IQANK1: variants seen among roughly 807,000 people sequenced by gnomAD.
IQANK1 encodes IQ motif and ankyrin repeat containing 1.
Under a neutral mutation model 22.6 loss-of-function variants are expected in IQANK1, and 30 were observed. The ratio of observed to expected loss-of-function variants is 1.33; its 90% CI spans 0.99 to 1.80. The LOEUF is 1.80. Ranked by LOEUF, IQANK1 falls within the 40% of genes most tolerant of loss-of-function variation. IQANK1 has a pLI of 0.00. For synonymous variants in IQANK1, 122 were observed against 99.6 expected (o/e 1.23, Z -1.34); for missense variants, 275 against 235.2 (o/e 1.17, Z -1.11).
chr8:143,739,911 G>A lies in IQANK1; in HGVS notation c.138G>A (p.Arg46=), dbSNP rs1554626219. ...AGAGGAAAGCGGGCTGGCAGGCGAGGGAGCCCGCGTCGGCTGAGAGCCCAC... is the reference window on the plus strand; with the variant it reads ...AGAGGAAAGCGGGCTGGCAGGCGAGAGAGCCCGCGTCGGCTGAGAGCCCAC... ...PPQRKAGWQA[R]EPASAESPQA... The change falls in exon 3 of 14, where the codon AGG becomes AGA. Residue 46 remains arginine (R), a synonymous_variant. Coordinates refer to ENST00000527139, the MANE Select transcript of IQANK1 (RefSeq NM_001381874.1). 9 of 699,210 alleles carry A rather than the reference G, an allele frequency of 1.3e-5. 1 individual carries two copies. In the Middle Eastern group the frequency reaches 1.5e-3, roughly 114 times the overall value. The allele number at this position is 699,210 out of a possible 1,614,324, so 43.3% of individuals were successfully genotyped here.
At chr8:143,788,128 C>A (rs1819929484) in intron 7 of IQANK1, among the ~76,000 whole-genome samples, 1 of 152,224 alleles carries the variant, frequency 6.6e-6, no homozygotes, top group African/African-American at 2.4e-5. Flanking sequence ...CCACACTAGA[C>A]AACAGGCCCT....
chr8:143,734,589 C>T (rs72614048), intron 1 of IQANK1, among the ~76,000 whole-genome samples: 25,994 of 151,430 alleles, frequency 0.17, 2,615 homozygotes, highest in East Asian at 0.48. Flanking sequence ...CCGAGTCCTG[C>T]CCATGCCAGT....
Position 143,788,999 on chromosome 8 carries a change from G to C in IQANK1, c.874G>C (p.Glu292Gln), listed in dbSNP as rs1819952711. The C allele has an allele frequency of 2.5e-6, 1 of 399,886 alleles. No individual in the cohort carries two copies. Among genetic ancestry groups the C allele is most frequent in the Non-Finnish European group, 4.4e-6 (1 of 226,830 alleles). 24.8% of individuals were successfully genotyped at this position (399,886 alleles called of 1,614,324 possible). ...GGCCATGCTCCAGAACATGGAGGCT[G>C]AGCAGCAGCGCCGGGCCCAGGAGGC... ...TEAMLQNMEAEQQRRAQEAQR... is the reference protein window; with the variant it reads ...TEAMLQNMEAQQQRRAQEAQR... The change falls in exon 8 of 14, where the codon GAG becomes CAG. Residue 292 changes from glutamate (E) to glutamine (Q), a missense_variant. Physicochemically the swap from Glu to Gln is conservative, Grantham distance 29. Coordinates refer to ENST00000527139, the MANE Select transcript of IQANK1 (RefSeq NM_001381874.1).
chr8:143,753,680 C>T (rs2129847975), intron 3 of IQANK1, among the ~76,000 whole-genome samples: 1 of 152,196 alleles, frequency 6.6e-6, no homozygotes, highest in East Asian at 1.9e-4. Flanking sequence ...TTCTCGAACT[C>T]CTGACCTCAG....
At chr8:143,780,575 G>GTTTGGT (rs1819779501) in intron 7 of IQANK1, among the ~76,000 whole-genome samples, 1 of 152,150 alleles carries the variant, frequency 6.6e-6, no homozygotes, top group African/African-American at 2.4e-5. Flanking sequence ...AACATGTGGT[G>GTTTGGT]TTTGGTTTTC....
In IQANK1 at chr8:143,735,283, TG is replaced by T. The variant is rs1587465794; in HGVS notation, c.-4-562del. Among the ~76,000 whole-genome samples the T allele has an allele frequency of 6.6e-6, 1 of 151,624 alleles. No homozygotes were observed. Among genetic ancestry groups the T allele is most frequent in the African/African-American group, 2.4e-5 (1 of 41,222 alleles). Reference sequence around the variant, plus strand: ...GAGGAGCCTCCCAGGGAAATGAACTTGGGGGTCAGCTGTGTGGACTAGGGAG... The same window carrying T: ...GAGGAGCCTCCCAGGGAAATGAACTTGGGGTCAGCTGTGTGGACTAGGGAG... On this transcript the variant is annotated intron_variant, in intron 1 of 13. Coordinates refer to ENST00000527139, the MANE Select transcript of IQANK1 (RefSeq NM_001381874.1). The surrounding 1 kb of genome is among the most constrained non-coding windows in gnomAD (Gnocchi z 5.2).
chr8:143,741,229 G>A lies in IQANK1; in HGVS notation c.175+1281G>A, dbSNP rs185504926. 3.3e-3 allele frequency among the ~76,000 whole-genome samples: 499 copies of A among 152,316 alleles called. 13 individuals are homozygous for A. The highest frequency in any genetic ancestry group is 1.5e-3 in the East Asian group (8 of 5,182). ...CCTAGCCTTCCTCCAGGACAGCCCCGCCTCACTGGCTAGGCGTCTGGGGGC... is the reference window on the plus strand; with the variant it reads ...CCTAGCCTTCCTCCAGGACAGCCCCACCTCACTGGCTAGGCGTCTGGGGGC... On this transcript the variant is annotated intron_variant, in intron 3 of 13. Transcript: ENST00000527139.
intron 7 of IQANK1, among the ~76,000 whole-genome samples, chr8:143,773,365 C>T (rs1350657343): frequency 6.6e-6 from 1 of 151,488 alleles, no homozygotes; most frequent in Middle Eastern, 3.2e-3. Flanking sequence ...AGGCTGGAGA[C>T]ACAATGCCTG....
At chr8:143,786,101 A>G (rs1211383619) in intron 7 of IQANK1, among the ~76,000 whole-genome samples, 1 of 152,076 alleles carries the variant, frequency 6.6e-6, no homozygotes, top group African/African-American at 2.4e-5. Context: ...GGGCTCGAGC[A>G]ATCTGCATGC....
chr8:143,777,782 A>G (rs1819717562), intron 7 of IQANK1, among the ~76,000 whole-genome samples: 2 of 152,172 alleles, frequency 1.3e-5, no homozygotes, highest in African/African-American at 4.8e-5. Flanking sequence ...AGAAGTCAGG[A>G]AAAGAGGAAA....
rs1443465478 is a variant in IQANK1 at position 143,771,124 on chromosome 8, G to A, written c.176-364G>A. Among the ~76,000 whole-genome samples, 1 of 152,250 alleles carries A rather than the reference G, an allele frequency of 6.6e-6. No homozygotes were observed. Among genetic ancestry groups the A allele is most frequent in the Non-Finnish European group, 1.5e-5 (1 of 68,040 alleles). ...CTCAGTCCAGCCTTCGCTCGCTGGGGCCTGGATGCAGGAGGGGCCTTCGGC... is the reference window on the plus strand; with the variant it reads ...CTCAGTCCAGCCTTCGCTCGCTGGGACCTGGATGCAGGAGGGGCCTTCGGC... On this transcript the variant is annotated intron_variant, in intron 3 of 13. Transcript: ENST00000527139. The surrounding 1 kb of genome is among the most constrained non-coding windows in gnomAD (Gnocchi z 6.0).
intron 2 of IQANK1, among the ~76,000 whole-genome samples, chr8:143,738,661 G>C (rs901881719): frequency 2.0e-5 from 3 of 152,238 alleles, no homozygotes; most frequent in Non-Finnish European, 4.4e-5. Context: ...AGCAACGGGC[G>C]TGCCTGGTCC....
At chr8:143,751,635 T>TGG (rs1819190797) in intron 3 of IQANK1, among the ~76,000 whole-genome samples, 1 of 34,588 alleles carries the variant, frequency 2.9e-5, no homozygotes. Context: ...AGTGTGTGTG[T>TGG]GTGTGTGTGT....
rs7009824 is a variant in IQANK1, at chr8:143,779,114, A to G, written c.789+6632A>G. Reference sequence around the variant, plus strand: ...TATAAATAAATTTATAAGCTTATATATAAATTTATGAACTTATAAACATAT... The same window carrying G: ...TATAAATAAATTTATAAGCTTATATGTAAATTTATGAACTTATAAACATAT... On this transcript the variant is annotated intron_variant, in intron 7 of 13. Transcript: ENST00000527139. Among the ~76,000 whole-genome samples, 75 of 152,296 alleles carry G rather than the reference A, an allele frequency of 4.9e-4. No individual in the cohort carries two copies. In the East Asian group the frequency reaches 0.012, roughly 25 times the overall value.
At chr8:143,773,351 G>T (rs1320835076) in intron 7 of IQANK1, among the ~76,000 whole-genome samples, 1 of 151,978 alleles carries the variant, frequency 6.6e-6, no homozygotes, top group African/African-American at 2.4e-5. Flanking sequence ...GTCTGCCCTG[G>T]GCCAGGCTGG....
intron 3 of IQANK1, among the ~76,000 whole-genome samples, chr8:143,762,820 T>C (rs528065407): frequency 3.3e-5 from 5 of 152,320 alleles, no homozygotes; most frequent in African/African-American, 1.2e-4. Flanking sequence ...TCATTTTCTA[T>C]TGAAATAAAA....
chr8:143,775,486 C>T (rs1000720548), intron 7 of IQANK1, among the ~76,000 whole-genome samples: 3 of 151,948 alleles, frequency 2.0e-5, no homozygotes, highest in South Asian at 2.1e-4. Context: ...TGAGGCCGGG[C>T]GGGGTGGCTC....
At chr8:143,743,108 C>T (rs976064966) in intron 3 of IQANK1, 7 of 442,556 alleles carry the variant, frequency 1.6e-5, no homozygotes, top group Admixed American at 7.1e-5. Context: ...GGGTAGCCAC[C>T]GGGCACGGCC....
intron 3 of IQANK1, among the ~76,000 whole-genome samples, chr8:143,754,114 A>G (rs1819244997): frequency 6.6e-6 from 1 of 152,188 alleles, no homozygotes; most frequent in African/African-American, 2.4e-5. Context: ...AAGAAGAGAA[A>G]AAGAGAAAAA....
Sources: allele counts gnomAD v4.1 joint callset (sites outside exome capture counted in the v4.1 genomes callset), GRCh38; gene constraint gnomAD v4.1.1; non-coding constraint Gnocchi (gnomAD v3.1); transcripts MANE v1.5; gene names NCBI Gene and HGNC (gene_info 2026-07-23, HGNC 2026-07-21).